Variants in AKR1B1 observed in about 807,000 individuals in gnomAD.
AKR1B1 encodes the protein aldo-keto reductase family 1 member B1.
A neutral mutation model predicts 40.4 loss-of-function variants in AKR1B1; 22 were observed. That is an observed-to-expected ratio of 0.54 (90% confidence interval 0.39 to 0.78). The LOEUF (loss-of-function observed/expected upper bound fraction) is 0.78, where lower values mean the gene tolerates loss of function less well. Ranked by LOEUF, AKR1B1 falls within the 30% of genes least tolerant of loss-of-function variation. The probability of loss-of-function intolerance (pLI) is 0.00; values close to 1 mark genes in which losing one functional copy is unlikely to be tolerated. For missense variants in AKR1B1, 357 were observed against 396.7 expected, an observed-to-expected ratio of 0.90 and a Z score of 0.85; for synonymous variants, 157 against 149.9, an observed-to-expected ratio of 1.05 and a Z score of -0.35.
At chr7:134,457,557 A>G (rs1190113780) in intron 1 of AKR1B1, among the ~76,000 whole-genome samples, 1 of 152,078 alleles carries the variant, frequency 6.6e-6, no homozygotes, top group Non-Finnish European at 1.5e-5. Context: ...TTCTTACCTT[A>G]TATTTACTAA....
intron 1 of AKR1B1, 57 bp downstream of exon 1, chr7:134,458,940 C>T: frequency 1.3e-6 from 2 of 1,556,762 alleles, no homozygotes; most frequent in Non-Finnish European, 1.7e-6. Flanking sequence ...CTCGCCAATA[C>T]AGGCCGCGCG....
rs752044486 is a variant in AKR1B1 at position 134,445,325 on chromosome 7, AAAAC to A, written c.826-9_826-6del. ...GCTCAGTTCAAAGTCAAAGACCTAA[AAAAC>A]AAACAAAAAAATCCAGTAAGCTCTG... On this transcript the variant is annotated splice_region_variant and splice_polypyrimidine_tract_variant and intron_variant, in intron 8 of 9. Coordinates refer to ENST00000285930, the MANE Select transcript of AKR1B1 (RefSeq NM_001628.4). 6.2e-6 allele frequency: 10 copies of A among 1,609,920 alleles called. No homozygotes were observed. In the East Asian group the frequency reaches 8.9e-5, roughly 14 times the overall value.
At chr7:134,459,233 G>C, upstream of AKR1B1, 1 of 749,772 alleles carries the variant, frequency 1.3e-6, no homozygotes, top group Non-Finnish European at 2.2e-6. Flanking sequence ...CTTCCCCAAG[G>C]GTCGGCGGGG....
chr7:134,443,092 C>T (rs111675310), intron 9 of AKR1B1, among the ~76,000 whole-genome samples: 1,978 of 152,298 alleles, frequency 0.013, 53 homozygotes, highest in African/African-American at 0.045. Flanking sequence ...CAGGACCAGA[C>T]AGTATTTTGT....
At position 134,448,380 on chromosome 7, in the gene AKR1B1, A is replaced by G. The variant is rs779481378; in HGVS notation, c.659+7T>C. The G allele has an allele frequency of 4.4e-6, 7 of 1,606,136 alleles. No homozygotes were observed. The South Asian group carries it at 6.6e-5, about 15-fold the overall frequency. On this transcript the variant is annotated splice_region_variant and intron_variant, in intron 6 of 9. Coordinates refer to ENST00000285930, the MANE Select transcript of AKR1B1 (RefSeq NM_001628.4). ...GACACAGGAGCATGAGCCTGTGGGA[A>G]GCTCACCAGGGCCTGTCAGGAGAGC...
At chr7:134,444,177 A>T (rs979491352) in intron 9 of AKR1B1, among the ~76,000 whole-genome samples, 2 of 152,170 alleles carry the variant, frequency 1.3e-5, no homozygotes, top group Non-Finnish European at 2.9e-5. Flanking sequence ...TAGATCCAAA[A>T]ATGATTTTAA....
Position 134,451,626 on chromosome 7 carries a change from T to G in AKR1B1, c.194A>C (p.Glu65Ala). The change falls in exon 2 of 10, where the codon GAG becomes GCG. Residue 65 changes from glutamate to alanine, a missense_variant. Glu to Ala is a moderately radical substitution (Grantham distance 107). Transcript: ENST00000285930. ...VGVAIQEKLREQVVKREELFI... is the reference protein window; with the variant it reads ...VGVAIQEKLRAQVVKREELFI... ...GAGCTCCTCACGCTTCACCACCTGC[T>G]CCCTGAGCTTCTCCTGAATGGCCAC... is the stretch of plus-strand genomic sequence containing the variant. The G allele has an allele frequency of 6.2e-7, 1 of 1,614,124 alleles. No individual in the cohort carries two copies. The highest frequency in any genetic ancestry group is 8.5e-7 in the Non-Finnish European group (1 of 1,180,018).
intron 1 of AKR1B1, among the ~76,000 whole-genome samples, chr7:134,454,787 C>T (rs1806413613): frequency 6.6e-6 from 1 of 152,162 alleles, no homozygotes; most frequent in South Asian, 2.1e-4. Flanking sequence ...TGCTGATAAT[C>T]CTGGAGCAAG....
rs1806265577 is a variant in AKR1B1 at position 134,450,893 on chromosome 7, T to C, written c.244A>G (p.Thr82Ala). The change falls in exon 3 of 10, where the codon ACG (threonine) becomes GCG (alanine). Residue 82 changes from threonine (T) to alanine (A), a missense_variant. Thr to Ala is a moderately conservative substitution (Grantham distance 58). Transcript: ENST00000285930. ...TTCACCAGGCCCTTCTCATGGTACG[T>C]GCACCACAGCTAAGCCAGCGAGAGG... ...ELFIVSKLWCTYHEKGLVKGA... is the reference protein window; with the variant it reads ...ELFIVSKLWCAYHEKGLVKGA... 1 of 1,613,912 alleles carries C rather than the reference T, an allele frequency of 6.2e-7. No individual in the cohort carries two copies. Among genetic ancestry groups the C allele is most frequent in the South Asian group, 1.1e-5 (1 of 91,082 alleles).
At chr7:134,458,561 T>TG (rs766611456) in intron 1 of AKR1B1, among the ~76,000 whole-genome samples, 1 of 152,184 alleles carries the variant, frequency 6.6e-6, no homozygotes, top group Non-Finnish European at 1.5e-5. Flanking sequence ...GAAAGGAGGC[T>TG]GGGTCTGCGC....
rs1177847390 is a variant in AKR1B1 at position 134,449,847 on chromosome 7, TCA to T, written c.352-52_352-51del. 2.1e-6 allele frequency: 3 copies of T among 1,462,662 alleles called. No homozygotes were observed. In the African/African-American group the frequency reaches 4.2e-5, roughly 20 times the overall value. 90.6% of individuals were successfully genotyped at this position (1,462,662 alleles called of 1,614,324 possible). Reference sequence around the variant, plus strand: ...AAACAAAACAATCAGTAATAGTCCTTCACAGACCTGCTGGGGGAAGCTGGCAT... The same window carrying T: ...AAACAAAACAATCAGTAATAGTCCTTCAGACCTGCTGGGGGAAGCTGGCAT... On this transcript the variant is annotated intron_variant, in intron 3 of 9. Transcript: ENST00000285930.
At chr7:134,452,620 C>T (rs1446032112) in intron 1 of AKR1B1, among the ~76,000 whole-genome samples, 1 of 152,176 alleles carries the variant, frequency 6.6e-6, no homozygotes, top group Non-Finnish European at 1.5e-5. Flanking sequence ...TGCATGGACA[C>T]GTATCCCCCA....
Sources: allele counts gnomAD v4.1 joint callset (sites outside exome capture counted in the v4.1 genomes callset), GRCh38; gene constraint gnomAD v4.1.1; transcripts MANE v1.5; gene names NCBI Gene and HGNC (gene_info 2026-07-23, HGNC 2026-07-21).